Variants in DLGAP5 observed in about 807,000 individuals in gnomAD.
DLGAP5 encodes the protein disks large-associated protein 5.
Under a neutral mutation model 99.6 loss-of-function variants are expected in DLGAP5, and 90 were observed. That is an observed-to-expected ratio of 0.90 (90% CI 0.76 to 1.08). The LOEUF is 1.08. Among genes scored for constraint, DLGAP5 ranks in the 50% least tolerant of loss-of-function variants. The pLI is 0.00. For missense variants in DLGAP5, 1,036 were observed against 983.5 expected, an observed-to-expected ratio of 1.05 and a Z score of -0.71; for synonymous variants, 311 against 321.3, an observed-to-expected ratio of 0.97 and a Z score of 0.34.
chr14:55,185,258 G>T (rs1028238929), intron 2 of DLGAP5, among the ~76,000 whole-genome samples: 1 of 152,200 alleles, frequency 6.6e-6, no homozygotes, highest in African/African-American at 2.4e-5. Context: ...GGAATGCAGC[G>T]GCGTGATCTC....
intron 2 of DLGAP5, among the ~76,000 whole-genome samples, chr14:55,184,021 C>T (rs767520204): frequency 2.6e-5 from 4 of 152,112 alleles, no homozygotes; most frequent in Non-Finnish European, 4.4e-5. Context: ...GGTGTGGTGG[C>T]GGTCACCTGT....
chr14:55,164,863 A>C (rs1882580815), intron 12 of DLGAP5, among the ~76,000 whole-genome samples: 1 of 150,538 alleles, frequency 6.6e-6, no homozygotes, highest in Non-Finnish European at 1.5e-5. Flanking sequence ...CAGAGGCTGC[A>C]GTGAGCCGAG....
intron 3 of DLGAP5, 105 bp downstream of exon 3, chr14:55,183,454 CA>C (rs1321865336): frequency 1.1e-6 from 1 of 942,518 alleles, no homozygotes; most frequent in Non-Finnish European, 1.5e-6. Context: ...CACCTTCTAC[CA>C]ACCAGTTAAT....
intron 18 of DLGAP5, 83 bp downstream of exon 18, chr14:55,150,716 C>A: frequency 9.5e-7 from 1 of 1,051,256 alleles, no homozygotes; most frequent in East Asian, 2.8e-5. Flanking sequence ...ACATTTTAAG[C>A]CTTGTACACA....
chr14:55,162,115 C>T (rs1882466069), intron 13 of DLGAP5, among the ~76,000 whole-genome samples: 1 of 151,758 alleles, frequency 6.6e-6, no homozygotes, highest in Non-Finnish European at 1.5e-5. Flanking sequence ...ACTTTGAATT[C>T]AAAAACATTA....
At chr14:55,176,984 AAAAAAAAAAAAAAAAAAAAAG>A in intron 8 of DLGAP5, 57 bp downstream of exon 8, 1 of 881,006 alleles carries the variant, frequency 1.1e-6, no homozygotes, top group Admixed American at 6.3e-5. Context: ...CTGAAAAAAA[AAAAAAAAAAAAAAAAAAAAAG>A]AAAGGCATTT....
chr14:55,186,156 G>A lies in DLGAP5; in HGVS notation c.239-2403C>T, dbSNP rs369570711. 9.2e-5 allele frequency among the ~76,000 whole-genome samples: 14 copies of A among 152,268 alleles called. 1 individual carries two copies. Among genetic ancestry groups the A allele is most frequent in the African/African-American group, 3.4e-4 (14 of 41,560 alleles). On this transcript the variant is annotated intron_variant, in intron 2 of 18. Transcript: ENST00000247191. ...GTGGTGGTGCATGCCTGTAATCCCA[G>A]CTACTCAGGAAGGCTGAGGCAGGAG...
Position 55,150,826 on chromosome 14 carries a change from G to T in DLGAP5, c.2391C>A (p.Leu797=). 6.3e-7 allele frequency: 1 copy of T among 1,582,948 alleles called. No homozygotes were observed. The highest frequency in any genetic ancestry group is 1.2e-5 in the South Asian group (1 of 84,426). ...SQSELFDNKS[L]TTECHLLDSP... is the part of the protein sequence containing the mutation. ...AATCAAGAAGGTGGCATTCAGTAGT[G>T]AGACTTTTATTATCAAATAGTTCTG... The change falls in exon 18 of 19, where the codon CTC becomes CTA. Residue 797 remains leucine, a synonymous_variant. Coordinates refer to ENST00000247191, the MANE Select transcript of DLGAP5 (RefSeq NM_014750.5).
In DLGAP5 at chr14:55,177,188, G is replaced by A; in HGVS notation, c.923C>T (p.Ala308Val). 6.2e-7 allele frequency: 1 copy of A among 1,613,606 alleles called. No individual in the cohort carries two copies. Among genetic ancestry groups the A allele is most frequent in the Non-Finnish European group, 8.5e-7 (1 of 1,179,868 alleles). Residue 308 changes from alanine to valine, a missense_variant, in exon 8 of 19, where the codon GCA becomes GTA. Transcript: ENST00000247191. ...TGGCTGAAACATAAAATCCTTAGGT[G>A]CAAAGGAATTCTTCCCTTTTATTTT... ...TAKIKGKNSF[A>V]PKDFMFQPLD...
chr14:55,154,516 T>C, intron 15 of DLGAP5, 101 bp downstream of exon 15: 1 of 977,024 alleles, frequency 1.0e-6, no homozygotes, highest in South Asian at 1.4e-5. Context: ...TTATGAAATT[T>C]ATTAAAAATA....
intron 18 of DLGAP5, chr14:55,148,717 A>G (rs1318408734): frequency 1.6e-6 from 1 of 622,826 alleles, no homozygotes. Flanking sequence ...ACACGTAAAC[A>G]TTTTCCCTAT....
intron 14 of DLGAP5, among the ~76,000 whole-genome samples, chr14:55,157,550 G>A (rs1882257270): frequency 6.6e-6 from 1 of 152,060 alleles, no homozygotes; most frequent in Admixed American, 6.6e-5. Flanking sequence ...AATTTCAATT[G>A]AGATAAATTC....
At chr14:55,161,675 G>A (rs1218809300) in intron 13 of DLGAP5, among the ~76,000 whole-genome samples, 1 of 150,992 alleles carries the variant, frequency 6.6e-6, no homozygotes, top group Admixed American at 6.6e-5. Flanking sequence ...CGCCCAAAGT[G>A]CTGGGATTAT....
Position 55,175,809 on chromosome 14 carries a change from A to G in DLGAP5, c.1174+85T>C, listed in dbSNP as rs530559770. The G allele has an allele frequency of 1.1e-5, 13 of 1,201,282 alleles. No individual in the cohort carries two copies. In the East Asian group the frequency reaches 1.3e-4, roughly 12 times the overall value. 74.4% of individuals were successfully genotyped at this position (1,201,282 alleles called of 1,614,324 possible). On this transcript the variant is annotated intron_variant, in intron 9 of 18. Transcript: ENST00000247191. The stretch of plus-strand genomic sequence containing the variant: ...TGACAAGTAATAATCCAGAAAAGTA[A>G]AAATGTAATTACTATACCTGAAAGC...
At chr14:55,154,364 A>G (rs1882127305) in intron 15 of DLGAP5, among the ~76,000 whole-genome samples, 1 of 152,206 alleles carries the variant, frequency 6.6e-6, no homozygotes, top group African/African-American at 2.4e-5. Flanking sequence ...TATGTTTAGC[A>G]CCAAAGGATA....
intron 13 of DLGAP5, among the ~76,000 whole-genome samples, chr14:55,159,053 C>CT (rs1491014102): frequency 1.4e-4 from 20 of 144,502 alleles, no homozygotes; most frequent in African/African-American, 5.0e-4. Context: ...ACCCCCCCCC[C>CT]ATAAAAAAGA....
intron 13 of DLGAP5, among the ~76,000 whole-genome samples, chr14:55,162,283 T>C (rs1037439402): frequency 2.3e-4 from 35 of 152,312 alleles, no homozygotes; most frequent in African/African-American, 8.4e-4. Context: ...AGTTACCTAC[T>C]ACTATTACTA....
chr14:55,151,718 C>A lies in DLGAP5; in HGVS notation c.2345G>T (p.Gly782Val). The change falls in exon 17 of 19, where the codon GGG becomes GTG. Residue 782 changes from glycine (G) to valine (V), a missense_variant. Gly to Val is a moderately radical substitution (Grantham distance 109). Transcript: ENST00000247191. Reference sequence around the variant, plus strand: ...ACCTGACTGAGAAATTTTAGTTTCCCCTTCTTCTAAGATGCTATTTTGTGA... The same window carrying A: ...ACCTGACTGAGAAATTTTAGTTTCCACTTCTTCTAAGATGCTATTTTGTGA... ...TASQNSILEE[G>V]ETKISQSELF... 1 of 1,612,894 alleles carries A rather than the reference C, an allele frequency of 6.2e-7. No individual in the cohort carries two copies. Among genetic ancestry groups the A allele is most frequent in the Non-Finnish European group, 8.5e-7 (1 of 1,179,594 alleles).
intron 8 of DLGAP5, 147 bp downstream of exon 8, chr14:55,176,915 T>G (rs1269807569): frequency 1.7e-6 from 1 of 580,206 alleles, no homozygotes; most frequent in African/African-American, 2.3e-5. Flanking sequence ...GTGGCGGAGC[T>G]TACAGTGAGG....
Sources: allele counts gnomAD v4.1 joint callset (sites outside exome capture counted in the v4.1 genomes callset), GRCh38; gene constraint gnomAD v4.1.1; transcripts MANE v1.5; gene names NCBI Gene and HGNC (gene_info 2026-07-23, HGNC 2026-07-21).